Variants in CNOT10 observed in about 807,000 individuals in gnomAD.
The protein encoded by CNOT10 is CCR4-NOT transcription complex subunit 10, also known as CCR4-NOT transcription complex, subunit 10.
Under a neutral mutation model 94.6 loss-of-function variants are expected in CNOT10, and 30 were observed. The observed-to-expected ratio is 0.32, with a 90% confidence interval of 0.24 to 0.43. The LOEUF is 0.43. Ranked by LOEUF, CNOT10 falls within the 20% of genes least tolerant of loss-of-function variation. The pLI is 1.00. For missense variants in CNOT10, 759 were observed against 877.2 expected (o/e 0.87, Z 1.70); for synonymous variants, 289 against 301.6 (o/e 0.96, Z 0.43).
At chr3:32,753,230 G>C in intron 13 of CNOT10, 1 of 738,984 alleles carries the variant, frequency 1.4e-6, no homozygotes, top group Admixed American at 1.8e-5. Context: ...ACAAAAATTA[G>C]ATAGTGCAGA....
At chr3:32,722,747 A>G (rs1004909768) in intron 8 of CNOT10, among the ~76,000 whole-genome samples, 9 of 152,198 alleles carry the variant, frequency 5.9e-5, no homozygotes, top group Admixed American at 2.6e-4. Context: ...ACATTGGGAG[A>G]CTGAGGCCGA....
intron 13 of CNOT10, among the ~76,000 whole-genome samples, chr3:32,745,034 A>G (rs1434890319): frequency 6.6e-6 from 1 of 151,978 alleles, no homozygotes; most frequent in African/African-American, 2.4e-5. Context: ...GTGTGCCACA[A>G]TGCCTGGCTA....
chr3:32,720,004 C>T, intron 7 of CNOT10, 110 bp from the exon 8 acceptor site: 1 of 507,162 alleles, frequency 2.0e-6, no homozygotes, highest in Non-Finnish European at 3.5e-6. Context: ...TTGTGACTGA[C>T]TTAATTGATT....
intron 8 of CNOT10, among the ~76,000 whole-genome samples, chr3:32,722,324 GTAT>G (rs1372694361): frequency 6.6e-6 from 1 of 151,982 alleles, no homozygotes; most frequent in Non-Finnish European, 1.5e-5. Flanking sequence ...TCTCTTGTGG[GTAT>G]TATTTCTGTT....
In CNOT10 at chr3:32,773,522, T is replaced by C. The variant is rs1700999957; in HGVS notation, c.2146T>C (p.Ser716Pro). Residue 716 changes from serine (S) to proline (P), a missense_variant, in exon 19 of 19, where the codon TCT becomes CCT. Transcript: ENST00000328834. ...GCTGCTCCCTGCAGTGAAAACACAC[T>C]CTGAAGTGAGAAAGAAGCCAGTGTT... ...NQLLPAVKTH[S>P]EVRKKPVFQP... The C allele has an allele frequency of 2.5e-6, 4 of 1,614,014 alleles. No individual in the cohort carries two copies. The highest frequency in any genetic ancestry group is 3.4e-6 in the Non-Finnish European group (4 of 1,180,020).
chr3:32,685,620 C>T, intron 1 of CNOT10, 138 bp downstream of exon 1: 1 of 889,166 alleles, frequency 1.1e-6, no homozygotes, highest in Non-Finnish European at 1.7e-6. Context: ...ACCCCATCCT[C>T]TGTCTCGGCT....
At chr3:32,686,585 G>A (rs1016313671) in intron 1 of CNOT10, among the ~76,000 whole-genome samples, 1 of 152,180 alleles carries the variant, frequency 6.6e-6, no homozygotes, top group African/African-American at 2.4e-5. Context: ...AAGGCCTCTG[G>A]TGAGATGATA....
intron 1 of CNOT10, among the ~76,000 whole-genome samples, chr3:32,702,289 A>G (rs1049282224): frequency 1.3e-5 from 2 of 152,234 alleles, no homozygotes; most frequent in African/African-American, 4.8e-5. Context: ...AACTATAAAA[A>G]GTATTGAAGC....
intron 18 of CNOT10, 70 bp downstream of exon 18, chr3:32,770,032 G>T: frequency 8.5e-7 from 1 of 1,180,524 alleles, no homozygotes; most frequent in Admixed American, 1.7e-5. Flanking sequence ...GGGAGACAGG[G>T]TCTCACTGTG....
chr3:32,722,502 T>C (rs757320846), intron 8 of CNOT10, among the ~76,000 whole-genome samples: 9 of 152,338 alleles, frequency 5.9e-5, no homozygotes, highest in Admixed American at 1.3e-4. Context: ...TAGGTGTCAG[T>C]ATTGACATTG....
At chr3:32,724,935 G>A (rs1414181407) in intron 8 of CNOT10, among the ~76,000 whole-genome samples, 1 of 152,104 alleles carries the variant, frequency 6.6e-6, no homozygotes, top group Non-Finnish European at 1.5e-5. Flanking sequence ...TTGCTTCCTT[G>A]TTTCTAATTT....
At chr3:32,767,960 G>C (rs1700722746) in intron 17 of CNOT10, among the ~76,000 whole-genome samples, 3 of 152,084 alleles carry the variant, frequency 2.0e-5, no homozygotes. Context: ...GGTCAGGCCT[G>C]GTTTGGGGTC....
intron 13 of CNOT10, among the ~76,000 whole-genome samples, chr3:32,742,130 A>AT (rs1245593627): frequency 6.6e-6 from 1 of 151,352 alleles, no homozygotes; most frequent in Non-Finnish European, 1.5e-5. Context: ...TAATTTTTGT[A>AT]TTTTTAGTAG....
chr3:32,733,326 TC>T (rs1421482198), intron 10 of CNOT10, 96 bp from the exon 11 acceptor site: 7 of 979,920 alleles, frequency 7.1e-6, no homozygotes, highest in Non-Finnish European at 1.0e-5. Flanking sequence ...TTAAGAACTT[TC>T]TTAAATTTAG....
Position 32,725,512 on chromosome 3 carries a change from C to A in CNOT10, c.925C>A (p.His309Asn), listed in dbSNP as rs1321946203. The A allele has an allele frequency of 3.7e-6, 6 of 1,613,546 alleles. No individual in the cohort carries two copies. The highest frequency in any genetic ancestry group is 1.3e-5 in the African/African-American group (1 of 74,882). Reference protein sequence around the residue: ...LGCIHFAMSKHNLGIFYFKKA... With the variant: ...LGCIHFAMSKNNLGIFYFKKA... ...TTGCATCCATTTTGCCATGAGCAAG[C>A]ACAATTTGGGAATATTCTACTTTAA... is the stretch of plus-strand genomic sequence containing the variant. The change falls in exon 9 of 19, where the codon CAC becomes AAC. Residue 309 changes from histidine (H) to asparagine (N), a missense_variant. This residue lies in a region of CNOT10 where 682 missense variants were observed against 799.4 expected (regional missense o/e 0.85). Transcript: ENST00000328834.
intron 1 of CNOT10, among the ~76,000 whole-genome samples, chr3:32,692,918 G>A (rs1395830603): frequency 2.0e-5 from 3 of 152,092 alleles, no homozygotes; most frequent in African/African-American, 4.8e-5. Context: ...GCTGCTGCGT[G>A]CCTGTAGTCC....
At chr3:32,699,249 A>T (rs1361733092) in intron 1 of CNOT10, among the ~76,000 whole-genome samples, 1 of 152,178 alleles carries the variant, frequency 6.6e-6, no homozygotes, top group Non-Finnish European at 1.5e-5. Flanking sequence ...AAAACATGGG[A>T]TTCAGTTGTA....
chr3:32,706,896 C>T (rs966223500), intron 3 of CNOT10, among the ~76,000 whole-genome samples: 1 of 152,174 alleles, frequency 6.6e-6, no homozygotes, highest in African/African-American at 2.4e-5. Flanking sequence ...CAGCTAGGAC[C>T]ACTTGCTAAC....
At chr3:32,734,452 C>T (rs1699091398) in intron 11 of CNOT10, among the ~76,000 whole-genome samples, 1 of 152,160 alleles carries the variant, frequency 6.6e-6, no homozygotes, top group Non-Finnish European at 1.5e-5. Flanking sequence ...TCGTCCCATT[C>T]TTAGTATACC....
Sources: gnomAD v4.1 joint callset for allele counts (sites outside exome capture counted in the v4.1 genomes callset) on GRCh38, gnomAD v4.1.1 for gene constraint, gnomAD v4.1.1 regional missense constraint, MANE v1.5 for transcripts, NCBI Gene and HGNC (gene_info 2026-07-23, HGNC 2026-07-21) for gene names.